Variants in STATH observed in about 807,000 individuals in gnomAD.
STATH encodes the protein statherin.
A neutral mutation model predicts 13.3 loss-of-function variants in STATH; 11 were observed. The observed-to-expected ratio is 0.83, with a 90% CI of 0.52 to 1.37. The LOEUF is 1.37. Among genes scored for constraint, STATH ranks in the 40% most tolerant of loss-of-function variants. The probability of loss-of-function intolerance (pLI) is 0.00; values close to 1 mark genes in which losing one functional copy is unlikely to be tolerated. For missense variants in STATH, 78 were observed against 73.3 expected, an observed-to-expected ratio of 1.06 and a Z score of -0.24; for synonymous variants, 25 against 23.6, an observed-to-expected ratio of 1.06 and a Z score of -0.17.
chr4:70,001,796 T>C (rs944645651), intron 5 of STATH, among the ~76,000 whole-genome samples: 2 of 151,786 alleles, frequency 1.3e-5, no homozygotes, highest in Admixed American at 6.6e-5. Context: ...CAATTCTCTA[T>C]TGCCATTAGT....
intron 4 of STATH, 73 bp downstream of exon 4, chr4:69,999,882 C>G: frequency 6.5e-7 from 1 of 1,540,014 alleles, no homozygotes; most frequent in East Asian, 2.3e-5. Context: ...TCTAGAAGAA[C>G]CAATACTTAT....
At chr4:69,997,863 G>A (rs1724550852) in intron 1 of STATH, among the ~76,000 whole-genome samples, 1 of 152,054 alleles carries the variant, frequency 6.6e-6, no homozygotes, top group African/African-American at 2.4e-5. Flanking sequence ...ACATTATAAA[G>A]CGATTGCCCA....
rs1724692179 is a variant in STATH at position 70,002,383 on chromosome 4, C to T, written c.*228C>T. On this transcript the variant is annotated 3_prime_UTR_variant, in exon 6 of 6. Coordinates refer to ENST00000246895, the MANE Select transcript of STATH (RefSeq NM_003154.3). ...TATAATTGCAATTTAAACTGTTAAG[C>T]TGTGTTCAGTACTGTTTCTGAATAA... 1 of 151,718 alleles carries T rather than the reference C, an allele frequency of 6.6e-6. No homozygotes were observed. The highest frequency in any genetic ancestry group is 1.5e-5 in the Non-Finnish European group (1 of 67,798). The allele number at this position is 151,718 out of a possible 1,614,324, so 9.4% of individuals were successfully genotyped here. A position where few individuals can be genotyped will look rare whatever the true frequency, so the allele number is the denominator to read the frequency against.
chr4:70,001,061 A>G (rs2109683709), intron 5 of STATH, 79 bp downstream of exon 5: 1 of 979,244 alleles, frequency 1.0e-6, no homozygotes, highest in African/African-American at 1.6e-5. Context: ...AAAACAAGAC[A>G]TTAAACCAAC....
At chr4:70,000,841 C>A in intron 4 of STATH, 22 bp from the exon 5 acceptor site, 1 of 1,594,378 alleles carries the variant, frequency 6.3e-7, no homozygotes, top group Non-Finnish European at 8.6e-7. Flanking sequence ...CTGCAATTTT[C>A]TTTCTCCTTG....
intron 4 of STATH, chr4:70,000,400 G>C (rs1344867774): frequency 2.5e-5 from 4 of 161,630 alleles, no homozygotes; most frequent in Non-Finnish European, 5.5e-5. Context: ...AGGGATGATG[G>C]TTATTTGTGT....
At chr4:70,000,085 G>A (rs981959257) in intron 4 of STATH, 32 of 407,690 alleles carry the variant, frequency 7.8e-5, no homozygotes, top group African/African-American at 6.1e-5. Flanking sequence ...CTAAAAAATA[G>A]TTGAAATTCT....
intron 1 of STATH, among the ~76,000 whole-genome samples, chr4:69,997,145 C>T (rs542476765): frequency 1.1e-4 from 17 of 151,896 alleles, no homozygotes; most frequent in Middle Eastern, 3.4e-3. Flanking sequence ...GGGGTTTCTC[C>T]ATGTTGGTCA....
At chr4:70,000,676 A>G (rs1355888894) in intron 4 of STATH, 187 bp from the exon 5 acceptor site, 2 of 569,952 alleles carry the variant, frequency 3.5e-6, no homozygotes, top group East Asian at 2.8e-5. Flanking sequence ...TAAACACTCA[A>G]TCATTTTTAC....
At chr4:70,000,157 A>G (rs1202019361) in intron 4 of STATH, 1 of 222,292 alleles carries the variant, frequency 4.5e-6, no homozygotes, top group African/African-American at 2.3e-5. Flanking sequence ...CACATAAAAT[A>G]TGGTAAGTTT....
chr4:69,999,196 C>T (rs191464960), intron 2 of STATH: 1 of 152,804 alleles, frequency 6.5e-6, no homozygotes, highest in African/African-American at 2.4e-5. Context: ...ATTTCAAAAA[C>T]TAATTTGATT....
At chr4:69,998,150 T>G (rs113405516) in intron 1 of STATH, among the ~76,000 whole-genome samples, 177 of 152,272 alleles carry the variant, frequency 1.2e-3, no homozygotes, top group African/African-American at 4.2e-3. Flanking sequence ...CTTTACTTTC[T>G]TCTTTACCTT....
chr4:69,996,712 C>T (rs1285742026), intron 1 of STATH, among the ~76,000 whole-genome samples: 1 of 151,512 alleles, frequency 6.6e-6, no homozygotes, highest in Non-Finnish European at 1.5e-5. Flanking sequence ...TCTATATATC[C>T]ATCTTTCAGT....
rs1199944865 is a variant in STATH, at chr4:70,000,873, G to A, written c.113G>A (p.Gly38Asp). 5 of 1,611,570 alleles carry A rather than the reference G, an allele frequency of 3.1e-6. No homozygotes were observed. The highest frequency in any genetic ancestry group is 1.6e-4 in the Middle Eastern group (1 of 6,074). The part of the protein sequence containing the change: ...RRIGRFGYGY[G>D]PYQPVPEQPL... Reference sequence around the variant, plus strand: ...CTTGTGTGTATACAGTATGGGTATGGCCCTTATCAGCCAGTTCCAGAACAA... The same window carrying A: ...CTTGTGTGTATACAGTATGGGTATGACCCTTATCAGCCAGTTCCAGAACAA... The change falls in exon 5 of 6, where the codon GGC becomes GAC. Residue 38 changes from glycine to aspartate, a missense_variant. Transcript: ENST00000246895.
chr4:69,998,631 A>G, intron 2 of STATH, 143 bp downstream of exon 2: 1 of 552,582 alleles, frequency 1.8e-6, no homozygotes, highest in Admixed American at 3.5e-5. Flanking sequence ...TTTTTTTTGT[A>G]CTAACCTACA....
At chr4:70,000,798 T>A in intron 4 of STATH, 65 bp from the exon 5 acceptor site, 1 of 1,224,264 alleles carries the variant, frequency 8.2e-7, no homozygotes, top group Non-Finnish European at 1.2e-6. Context: ...AAGCTTCTAA[T>A]AAAAACGCTT....
chr4:69,996,817 T>A (rs1724516374), intron 1 of STATH, among the ~76,000 whole-genome samples: 1 of 152,054 alleles, frequency 6.6e-6, no homozygotes, highest in Non-Finnish European at 1.5e-5. Context: ...CACTAAAGTT[T>A]TTATGCTTTT....
chr4:69,996,927 C>CTTTT (rs34282662), intron 1 of STATH, among the ~76,000 whole-genome samples: 3 of 107,576 alleles, frequency 2.8e-5, no homozygotes, highest in African/African-American at 3.6e-5. Context: ...CAGAAATTTC[C>CTTTT]TTTTTTTTTT....
At chr4:69,998,630 T>C in intron 2 of STATH, 142 bp downstream of exon 2, 1 of 558,716 alleles carries the variant, frequency 1.8e-6, no homozygotes, top group South Asian at 3.8e-5. Flanking sequence ...CTTTTTTTTG[T>C]ACTAACCTAC....
Sources: gnomAD v4.1 joint callset for allele counts (sites outside exome capture counted in the v4.1 genomes callset) on GRCh38, gnomAD v4.1.1 for gene constraint, MANE v1.5 for transcripts, NCBI Gene and HGNC (gene_info 2026-07-23, HGNC 2026-07-21) for gene names.